CA6: variants seen among roughly 807,000 people sequenced by gnomAD.
CA6 encodes the protein carbonic anhydrase 6.
A neutral mutation model predicts 35.9 loss-of-function variants in CA6; 28 were observed. That is an observed-to-expected ratio of 0.78 (90% confidence interval 0.58 to 1.07). CA6 has a LOEUF of 1.07. Ranked by LOEUF, CA6 falls within the 50% of genes least tolerant of loss-of-function variation. The pLI is 0.00. For missense variants in CA6, 377 were observed against 382.0 expected, an observed-to-expected ratio of 0.99 and a Z score of 0.11; for synonymous variants, 148 against 152.6, an observed-to-expected ratio of 0.97 and a Z score of 0.22.
At chr1:8,969,203 C>T (rs1640048080) in intron 6 of CA6, among the ~76,000 whole-genome samples, 1 of 151,568 alleles carries the variant, frequency 6.6e-6, no homozygotes, top group Non-Finnish European at 1.5e-5. Flanking sequence ...TAATCCCAGC[C>T]ACTCAGGAGG....
At chr1:8,960,743 A>AACACACACACACACAC (rs113532929) in intron 4 of CA6, among the ~76,000 whole-genome samples, 6 of 109,054 alleles carry the variant, frequency 5.5e-5, no homozygotes, top group Admixed American at 9.8e-5. Flanking sequence ...CAAGTATAGC[A>AACACACACACACACAC]ACACACACAC....
At chr1:8,966,720 A>T (rs1016492286) in intron 5 of CA6, among the ~76,000 whole-genome samples, 1 of 152,120 alleles carries the variant, frequency 6.6e-6, no homozygotes, top group African/African-American at 2.4e-5. Context: ...GCAAAATCCA[A>T]CTCAATCCTG....
chr1:8,958,427 C>T (rs902789067), intron 3 of CA6, among the ~76,000 whole-genome samples: 6 of 152,342 alleles, frequency 3.9e-5, no homozygotes, highest in Non-Finnish European at 2.9e-5. Context: ...CTCGGCCTCC[C>T]AAAGTGCTGG....
intron 6 of CA6, among the ~76,000 whole-genome samples, chr1:8,968,845 G>A (rs898370034): frequency 1.3e-5 from 2 of 151,512 alleles, no homozygotes; most frequent in East Asian, 1.9e-4. Flanking sequence ...GTGGAACCCC[G>A]TCTCTACTAA....
rs1183297936 is a variant in CA6, at chr1:8,963,710, T to C, written c.571+1054T>C. 6.6e-6 allele frequency among the ~76,000 whole-genome samples: 1 copy of C among 152,030 alleles called. No individual in the cohort carries two copies. The highest frequency in any genetic ancestry group is 6.6e-5 in the Admixed American group (1 of 15,254). On this transcript the variant is annotated intron_variant, in intron 5 of 7. Coordinates refer to ENST00000377443, the MANE Select transcript of CA6 (RefSeq NM_001215.4). This position sits in a 1 kb window ranked among gnomAD's most constrained non-coding sequence, Gnocchi z 4.1. ...GTGCACCACCATGCTTGGCTGGTTTTTTTGTATTTTCAGTAGAGACAGGGT... is the reference window on the plus strand; with the variant it reads ...GTGCACCACCATGCTTGGCTGGTTTCTTTGTATTTTCAGTAGAGACAGGGT...
intron 2 of CA6, 105 bp from the exon 3 acceptor site, chr1:8,957,032 C>T (rs2274332): frequency 0.2 from 214,426 of 1,050,476 alleles, 22,698 homozygotes; most frequent in Non-Finnish European, 0.22. Flanking sequence ...ATTGGCTTGC[C>T]CTGGGCTCAG....
chr1:8,956,471 C>A (rs544144707), intron 2 of CA6, among the ~76,000 whole-genome samples: 2 of 152,012 alleles, frequency 1.3e-5, no homozygotes, highest in Non-Finnish European at 2.9e-5. Context: ...ACCAGCGTAA[C>A]CAATATGGTG....
intron 2 of CA6, among the ~76,000 whole-genome samples, chr1:8,954,463 C>T (rs1639622630): frequency 1.3e-5 from 2 of 152,094 alleles, no homozygotes; most frequent in South Asian, 2.1e-4. Context: ...CTGCGCCTGG[C>T]CTATTCCTTT....
intron 2 of CA6, among the ~76,000 whole-genome samples, chr1:8,956,853 C>T (rs746913128): frequency 1.3e-5 from 2 of 152,192 alleles, no homozygotes; most frequent in Non-Finnish European, 2.9e-5. Context: ...TGTGGTCCTG[C>T]CTCTGGCCTG....
At chr1:8,965,012 G>T (rs765081113) in intron 5 of CA6, among the ~76,000 whole-genome samples, 2 of 152,120 alleles carry the variant, frequency 1.3e-5, no homozygotes, top group Non-Finnish European at 2.9e-5. Context: ...GGGAGGCGGA[G>T]GCGGGCTGAT....
At chr1:8,947,986 C>T (rs2004078) in intron 1 of CA6, among the ~76,000 whole-genome samples, 82,764 of 151,714 alleles carry the variant, frequency 0.55, 22,726 homozygotes, top group Middle Eastern at 0.68. Context: ...CTGGGATTAA[C>T]GGCATGTGCC....
intron 3 of CA6, among the ~76,000 whole-genome samples, chr1:8,958,668 A>G (rs1199036238): frequency 2.0e-5 from 3 of 152,188 alleles, no homozygotes; most frequent in African/African-American, 7.2e-5. Context: ...TGGTCGGGAA[A>G]TGGCCTCGAA....
At chr1:8,948,469 G>C (rs532004554) in intron 1 of CA6, among the ~76,000 whole-genome samples, 6 of 151,852 alleles carry the variant, frequency 4.0e-5, no homozygotes, top group Admixed American at 3.3e-4. Flanking sequence ...CCATAAAAGG[G>C]GCTGGAGCAA....
At chr1:8,955,338 T>C (rs1380198394) in intron 2 of CA6, among the ~76,000 whole-genome samples, 1 of 152,198 alleles carries the variant, frequency 6.6e-6, no homozygotes, top group East Asian at 1.9e-4. Flanking sequence ...GTCATGCCAC[T>C]GCACTCCAGG....
rs1452955227 is a variant in CA6 at position 8,963,309 on chromosome 1, C to G, written c.571+653C>G. 6.6e-6 allele frequency among the ~76,000 whole-genome samples: 1 copy of G among 152,082 alleles called. No homozygotes were observed. Among genetic ancestry groups the G allele is most frequent in the African/African-American group, 2.4e-5 (1 of 41,410 alleles). On this transcript the variant is annotated intron_variant, in intron 5 of 7. Transcript: ENST00000377443. This position sits in a 1 kb window ranked among gnomAD's most constrained non-coding sequence, Gnocchi z 4.1. ...TTCCACATTCTTGCTCCTAGTGACG[C>G]CTGTGTCCTTTCATCTCTCTCCCAG...
chr1:8,966,239 A>C lies in CA6; in HGVS notation c.572-1420A>C, dbSNP rs530867148. 2.6e-5 allele frequency among the ~76,000 whole-genome samples: 4 copies of C among 152,042 alleles called. No homozygotes were observed. The South Asian group carries it at 8.3e-4, about 32-fold the overall frequency. On this transcript the variant is annotated intron_variant, in intron 5 of 7. Transcript: ENST00000377443. ...CTTCTCCTGCCTCAGCCTCCCGAGT[A>C]GCTGGGATTACAGGCACGTGCCACC...
At chr1:8,957,103 C>G (rs904189068) in intron 2 of CA6, 34 bp from the exon 3 acceptor site, 5 of 1,559,192 alleles carry the variant, frequency 3.2e-6, no homozygotes, top group Non-Finnish European at 4.4e-6. Context: ...CTGTGTTCAC[C>G]TACTCTGCTC....
At position 8,963,537 on chromosome 1, in the gene CA6, GTAT is replaced by G. The variant is rs1639897043; in HGVS notation, c.571+888_571+890del. 6.6e-6 allele frequency among the ~76,000 whole-genome samples: 1 copy of G among 152,116 alleles called. No homozygotes were observed. The highest frequency in any genetic ancestry group is 2.4e-5 in the African/African-American group (1 of 41,402). ...ACAGAAATCCATAGACATCTAACTG[GTAT>G]TATTATCGTTATTATTTTTGAGACA... On this transcript the variant is annotated intron_variant, in intron 5 of 7. Coordinates refer to ENST00000377443, the MANE Select transcript of CA6 (RefSeq NM_001215.4). This position sits in a 1 kb window ranked among gnomAD's most constrained non-coding sequence, Gnocchi z 4.1.
intron 2 of CA6, among the ~76,000 whole-genome samples, chr1:8,955,300 T>C (rs1445548271): frequency 6.6e-6 from 1 of 152,116 alleles, no homozygotes; most frequent in Non-Finnish European, 1.5e-5. Context: ...TGTTTGAGCC[T>C]GGGAGGTCGA....
Sources: gnomAD v4.1 joint callset for allele counts (sites outside exome capture counted in the v4.1 genomes callset) on GRCh38, gnomAD v4.1.1 for gene constraint, Gnocchi (gnomAD v3.1) non-coding constraint, MANE v1.5 for transcripts, NCBI Gene and HGNC (gene_info 2026-07-23, HGNC 2026-07-21) for gene names.